Variants in DLGAP1 observed in about 807,000 individuals in gnomAD.
DLGAP1 encodes disks large-associated protein 1.
In DLGAP1, 11 loss-of-function variants were observed where a neutral mutation model predicts 90.8. That is an observed-to-expected ratio of 0.12 (90% CI 0.08 to 0.20). The LOEUF (loss-of-function observed/expected upper bound fraction) is 0.20. Ranked by LOEUF, DLGAP1 falls within the 10% of genes least tolerant of loss-of-function variation. The pLI is 1.00. For missense variants in DLGAP1, 1,050 were observed against 1,333.8 expected (o/e 0.79, Z 3.31); for synonymous variants, 558 against 540.7 (o/e 1.03, Z -0.44).
intron 1 of DLGAP1, chr18:4,280,834 T>C (rs2145428239): frequency 6.6e-6 from 1 of 152,326 alleles, no homozygotes; most frequent in African/African-American, 2.4e-5. Flanking sequence ...TGCTGTGAAA[T>C]ACTTGATGAC....
chr18:3,888,814 C>A (rs142824080), intron 3 of DLGAP1, among the ~76,000 whole-genome samples: 1 of 152,298 alleles, frequency 6.6e-6, no homozygotes, highest in East Asian at 1.9e-4. Context: ...ACGATAAAAT[C>A]TCCTAATCTT....
intron 4 of DLGAP1, among the ~76,000 whole-genome samples, chr18:3,873,024 A>G (rs1201303510): frequency 6.6e-6 from 1 of 152,206 alleles, no homozygotes; most frequent in Non-Finnish European, 1.5e-5. Context: ...TCTTTAGAAA[A>G]CAGTGAAACT....
rs371085282 is a variant in DLGAP1 at position 4,149,728 on chromosome 18, G to A, written c.-159+1452C>T. Among the ~76,000 whole-genome samples the A allele has an allele frequency of 7.5e-4, 114 of 152,324 alleles. 2 individuals carry two copies. Among genetic ancestry groups the A allele is most frequent in the African/African-American group, 2.7e-3 (111 of 41,560 alleles). ...GTCCACGTGAGGAATCTAGGTATGT[G>A]CTCCTTATGAGAATCTCATTCCTGA... On this transcript the variant is annotated intron_variant, in intron 2 of 12. Transcript: ENST00000315677.
chr18:4,078,021 G>C (rs969026150), intron 2 of DLGAP1, among the ~76,000 whole-genome samples: 1 of 152,194 alleles, frequency 6.6e-6, no homozygotes, highest in Non-Finnish European at 1.5e-5. Context: ...CAGTCTGACT[G>C]CTGTGGAAAA....
intron 2 of DLGAP1, among the ~76,000 whole-genome samples, chr18:4,128,299 G>A (rs921245671): frequency 1.3e-5 from 2 of 152,028 alleles, no homozygotes; most frequent in African/African-American, 4.8e-5. Flanking sequence ...AAGTAATCTA[G>A]AGATGATTTA....
At chr18:3,712,531 A>C (rs1329856706) in intron 7 of DLGAP1, among the ~76,000 whole-genome samples, 4 of 152,246 alleles carry the variant, frequency 2.6e-5, no homozygotes, top group African/African-American at 9.6e-5. Context: ...TCAGTTATTA[A>C]GAGCTAATAG....
At chr18:3,876,534 T>G (rs986328641) in intron 4 of DLGAP1, among the ~76,000 whole-genome samples, 1 of 152,226 alleles carries the variant, frequency 6.6e-6, no homozygotes, top group Admixed American at 6.5e-5. Flanking sequence ...CAGAATATGT[T>G]AAACTGTTTT....
chr18:3,701,785 A>G (rs990265573), intron 7 of DLGAP1, among the ~76,000 whole-genome samples: 1 of 152,200 alleles, frequency 6.6e-6, no homozygotes, highest in African/African-American at 2.4e-5. Flanking sequence ...CTGTTTCTCT[A>G]GGATGAATTG....
chr18:4,064,509 G>A (rs532066654), intron 2 of DLGAP1, among the ~76,000 whole-genome samples: 15 of 152,116 alleles, frequency 9.9e-5, no homozygotes, highest in Admixed American at 7.2e-4. Flanking sequence ...TGATAAGGGG[G>A]ACATCACCAC....
intron 2 of DLGAP1, among the ~76,000 whole-genome samples, chr18:4,126,666 T>C (rs2076237837): frequency 6.6e-6 from 1 of 152,160 alleles, no homozygotes; most frequent in South Asian, 2.1e-4. Flanking sequence ...TATAGGTGCT[T>C]AGCATCATAA....
chr18:3,639,899 C>T (rs927107183), intron 7 of DLGAP1, among the ~76,000 whole-genome samples: 7 of 145,086 alleles, frequency 4.8e-5, no homozygotes, highest in South Asian at 4.3e-4. Context: ...GGACTACAGG[C>T]GCCCGCCACC....
At chr18:3,790,380 G>A (rs1015990027) in intron 5 of DLGAP1, among the ~76,000 whole-genome samples, 3 of 151,268 alleles carry the variant, frequency 2.0e-5, no homozygotes, top group South Asian at 2.1e-4. Context: ...CAATCCTCCT[G>A]CCTTAGCCTC....
chr18:3,598,176 A>G (rs1213111918), intron 7 of DLGAP1: 1 of 152,150 alleles, frequency 6.6e-6, no homozygotes, highest in East Asian at 1.9e-4. Flanking sequence ...AACATAGTGA[A>G]CCTGTCTCTA....
chr18:4,178,367 A>G (rs562954924), intron 1 of DLGAP1, among the ~76,000 whole-genome samples: 408 of 151,264 alleles, frequency 2.7e-3, no homozygotes, highest in Non-Finnish European at 4.1e-3. Flanking sequence ...ACCACTATAT[A>G]TTTTTTTTTA....
intron 1 of DLGAP1, among the ~76,000 whole-genome samples, chr18:4,339,284 G>C (rs2081138639): frequency 6.6e-6 from 1 of 152,146 alleles, no homozygotes; most frequent in Non-Finnish European, 1.5e-5. Context: ...AGAACACATG[G>C]ACACAGACAG....
Position 3,879,019 on chromosome 18 carries a change from T to G in DLGAP1, c.957+93A>C. ...CACAGGTTCCTATCTTAATAGACAA[T>G]TCAGAGTAGTGCCAAGACTAGAACC... On this transcript the variant is annotated intron_variant, in intron 4 of 12. Transcript: ENST00000315677. This position sits in a 1 kb window ranked among gnomAD's most constrained non-coding sequence, Gnocchi z 6.6. 1 of 1,100,522 alleles carries G rather than the reference T, an allele frequency of 9.1e-7. No homozygotes were observed. Among genetic ancestry groups the G allele is most frequent in the South Asian group, 2.1e-5 (1 of 47,580 alleles). The allele number at this position is 1,100,522 out of a possible 1,614,324, so 68.2% of individuals were successfully genotyped here.
intron 1 of DLGAP1, among the ~76,000 whole-genome samples, chr18:4,337,727 T>G (rs560285512): frequency 9.5e-4 from 145 of 152,308 alleles, no homozygotes; most frequent in South Asian, 2.3e-3. Flanking sequence ...GTCATAGTTT[T>G]CTCATAAACA....
At chr18:4,407,897 T>C (rs1358758303) in intron 1 of DLGAP1, among the ~76,000 whole-genome samples, 1 of 144,070 alleles carries the variant, frequency 6.9e-6, no homozygotes, top group Admixed American at 6.7e-5. Flanking sequence ...AATATATAAA[T>C]AAATAAGAAA....
intron 1 of DLGAP1, among the ~76,000 whole-genome samples, chr18:4,413,318 C>T (rs989357141): frequency 1.3e-5 from 2 of 152,118 alleles, no homozygotes; most frequent in Non-Finnish European, 2.9e-5. Context: ...AAGTGGATCC[C>T]AACAGCCCGG....
Sources: gnomAD v4.1 joint callset for allele counts (sites outside exome capture counted in the v4.1 genomes callset) on GRCh38, gnomAD v4.1.1 for gene constraint, Gnocchi (gnomAD v3.1) non-coding constraint, MANE v1.5 for transcripts, NCBI Gene and HGNC (gene_info 2026-07-23, HGNC 2026-07-21) for gene names.